Variants in AGBL1 observed in about 807,000 individuals in gnomAD.
The protein encoded by AGBL1 is cytosolic carboxypeptidase 4.
AGBL1 carries 130 observed loss-of-function variants against 118.9 expected under a neutral mutation model. That is an observed-to-expected ratio of 1.09 (90% CI 0.95 to 1.26). The LOEUF is 1.26. Ranked by LOEUF, AGBL1 falls within the 50% of genes most tolerant of loss-of-function variation. The pLI is 0.00. For synonymous variants in AGBL1, 555 were observed against 478.9 expected (o/e 1.16, Z -2.08); for missense variants, 1,584 against 1,298.1 (o/e 1.22, Z -3.38).
chr15:86,901,238 G>A (rs1173483407), intron 22 of AGBL1, among the ~76,000 whole-genome samples: 1 of 152,072 alleles, frequency 6.6e-6, no homozygotes, highest in Non-Finnish European at 1.5e-5. Context: ...TTTTTTTAAA[G>A]AGTTCAATTG....
At chr15:86,706,355 C>G (rs558761807) in intron 22 of AGBL1, among the ~76,000 whole-genome samples, 1 of 151,950 alleles carries the variant, frequency 6.6e-6, no homozygotes, top group Non-Finnish European at 1.5e-5. Context: ...CTTGGAAAAG[C>G]TCTATTTAAT....
At chr15:86,286,857 A>T (rs973245490) in intron 16 of AGBL1, among the ~76,000 whole-genome samples, 1 of 151,604 alleles carries the variant, frequency 6.6e-6, no homozygotes, top group African/African-American at 2.4e-5. Flanking sequence ...TACTGATTTC[A>T]GTTCCTTTGG....
At chr15:86,548,663 G>GCGCACACACA (rs1028988193) in intron 20 of AGBL1, among the ~76,000 whole-genome samples, 43 of 142,798 alleles carry the variant, frequency 3.0e-4, no homozygotes, top group African/African-American at 1.1e-3. Context: ...ACACATGCAC[G>GCGCACACACA]CACACACACA....
At chr15:86,243,026 CA>C (rs1177023342) in intron 6 of AGBL1, among the ~76,000 whole-genome samples, 1 of 152,080 alleles carries the variant, frequency 6.6e-6, no homozygotes, top group Non-Finnish European at 1.5e-5. Flanking sequence ...TGGGGTTAGA[CA>C]AAAAAATGAG....
intron 17 of AGBL1, among the ~76,000 whole-genome samples, chr15:86,314,015 A>G (rs1215977725): frequency 6.6e-6 from 1 of 152,374 alleles, no homozygotes; most frequent in East Asian, 1.9e-4. Flanking sequence ...TATCAGAATC[A>G]TAAACGCCTA....
At chr15:86,451,664 G>T (rs2082194910) in intron 18 of AGBL1, among the ~76,000 whole-genome samples, 1 of 152,146 alleles carries the variant, frequency 6.6e-6, no homozygotes, top group African/African-American at 2.4e-5. Flanking sequence ...GAAGGCAAGA[G>T]CAGTTCATGT....
intron 22 of AGBL1, among the ~76,000 whole-genome samples, chr15:86,770,059 T>C (rs1488112004): frequency 6.6e-6 from 1 of 152,048 alleles, no homozygotes; most frequent in Non-Finnish European, 1.5e-5. Context: ...GATGAAAATA[T>C]TCTGCCCAGG....
intron 18 of AGBL1, among the ~76,000 whole-genome samples, chr15:86,406,305 TAAC>T (rs1235600223): frequency 1.3e-5 from 2 of 152,230 alleles, no homozygotes; most frequent in African/African-American, 4.8e-5. Flanking sequence ...TGCAGAGTTT[TAAC>T]AACAAGTGAA....
At chr15:86,776,748 ATATG>A (rs1305122588) in intron 22 of AGBL1, among the ~76,000 whole-genome samples, 37 of 106,538 alleles carry the variant, frequency 3.5e-4, no homozygotes, top group East Asian at 2.1e-3. Flanking sequence ...TTATATATAT[ATATG>A]TGTGTGTGTG....
chr15:86,121,934 G>A (rs1803075005), intron 1 of AGBL1, among the ~76,000 whole-genome samples: 1 of 152,158 alleles, frequency 6.6e-6, no homozygotes, highest in South Asian at 2.1e-4. Context: ...TTGAAAAGGA[G>A]GACTTTCATA....
intron 21 of AGBL1, among the ~76,000 whole-genome samples, chr15:86,666,431 T>C (rs2085645737): frequency 6.6e-6 from 1 of 152,212 alleles, no homozygotes; most frequent in Non-Finnish European, 1.5e-5. Flanking sequence ...TGTCTTTCAG[T>C]TGATGTCTTT....
Position 86,247,755 on chromosome 15 carries a change from C to T in AGBL1, c.611C>T (p.Ala204Val). The change falls in exon 7 of 23, where the codon GCC becomes GTC. Residue 204 changes from alanine (A) to valine (V), a missense_variant. Physicochemically the swap from Ala to Val is moderately conservative, Grantham distance 64 (BLOSUM62 0). Transcript: ENST00000614907. ...LHQDWHSHDTANAYVQIRRGL... is the reference protein window; with the variant it reads ...LHQDWHSHDTVNAYVQIRRGL... ...CAGGACTGGCACAGCCATGACACAG[C>T]CAACGCCTACGTGCAGATCCGACGG... is the stretch of plus-strand genomic sequence containing the variant. The T allele has an allele frequency of 6.2e-7, 1 of 1,613,906 alleles. No homozygotes were observed. Among genetic ancestry groups the T allele is most frequent in the Non-Finnish European group, 8.5e-7 (1 of 1,179,850 alleles).
intron 21 of AGBL1, among the ~76,000 whole-genome samples, chr15:86,619,692 A>G (rs1004470880): frequency 1.3e-5 from 2 of 152,166 alleles, no homozygotes; most frequent in Non-Finnish European, 2.9e-5. Flanking sequence ...GTGGCCATTA[A>G]AGGAACGAGA....
chr15:86,507,979 G>C (rs2082999587), intron 18 of AGBL1, among the ~76,000 whole-genome samples: 1 of 146,444 alleles, frequency 6.8e-6, no homozygotes, highest in African/African-American at 2.5e-5. Flanking sequence ...TTCCTTCTTT[G>C]TTTAGGAAGC....
chr15:86,679,884 CT>C lies in AGBL1; in HGVS notation c.3158+5449del, dbSNP rs1445682678. ...CTTTACATTTCTAAGGAAAATGTAT[CT>C]GGCTGTGATCTGAAATATTATTTTA... is the stretch of plus-strand genomic sequence containing the variant. On this transcript the variant is annotated intron_variant, in intron 22 of 22. Coordinates refer to ENST00000614907, the MANE Select transcript of AGBL1 (RefSeq NM_001386094.1). Among the ~76,000 whole-genome samples, 4 of 151,950 alleles carry C rather than the reference CT, an allele frequency of 2.6e-5. No individual in the cohort carries two copies. The East Asian group carries it at 7.7e-4, about 29-fold the overall frequency.
intron 23 of AGBL1, among the ~76,000 whole-genome samples, chr15:86,927,716 GA>G (rs1329534646): frequency 2.0e-5 from 3 of 151,906 alleles, no homozygotes; most frequent in African/African-American, 4.8e-5. Context: ...AGTAGTTATT[GA>G]AAAAAAATTA....
At chr15:86,281,761 T>C (rs1411717783) in intron 16 of AGBL1, among the ~76,000 whole-genome samples, 8 of 152,210 alleles carry the variant, frequency 5.3e-5, no homozygotes, top group Non-Finnish European at 1.2e-4. Flanking sequence ...TCAGAATTTC[T>C]GCCCTGGGGT....
In AGBL1 at chr15:86,343,921, G is replaced by T. The variant is rs557476038; in HGVS notation, c.2374+48513G>T. Among the ~76,000 whole-genome samples the T allele has an allele frequency of 2.0e-5, 3 of 152,230 alleles. No homozygotes were observed. In the East Asian group the frequency reaches 5.8e-4, roughly 29 times the overall value. On this transcript the variant is annotated intron_variant, in intron 17 of 22. Transcript: ENST00000614907. ...AGCTGCCTTTCCCCTTCCTCAAATG[G>T]TGAATAATCATTGAATCACTCCACA...
At chr15:86,882,555 A>G (rs1316501570) in intron 22 of AGBL1, among the ~76,000 whole-genome samples, 1 of 152,314 alleles carries the variant, frequency 6.6e-6, no homozygotes, top group East Asian at 1.9e-4. Flanking sequence ...TATAAAATTT[A>G]GATATATTAA....
Sources: allele counts gnomAD v4.1 joint callset (sites outside exome capture counted in the v4.1 genomes callset), GRCh38; gene constraint gnomAD v4.1.1; transcripts MANE v1.5; gene names NCBI Gene and HGNC (gene_info 2026-07-23, HGNC 2026-07-21).